ANKRD26: variants seen among roughly 807,000 people sequenced by gnomAD.
ANKRD26 encodes the protein ankyrin repeat domain 26.
ANKRD26 carries 141 observed loss-of-function variants against 208.7 expected under a neutral mutation model. That is an observed-to-expected ratio of 0.68 (90% CI 0.59 to 0.78). The LOEUF (loss-of-function observed/expected upper bound fraction) is 0.78. ANKRD26 is among the 30% of genes least tolerant of loss of function. ANKRD26 has a pLI of 0.00. For synonymous variants in ANKRD26, 636 were observed against 660.4 expected (o/e 0.96, Z 0.57); for missense variants, 1,889 against 1,938.7 (o/e 0.97, Z 0.48).
chr10:27,093,114 C>A (rs563912762), intron 3 of ANKRD26, among the ~76,000 whole-genome samples: 1 of 151,854 alleles, frequency 6.6e-6, no homozygotes, highest in East Asian at 1.9e-4. Flanking sequence ...TTGCCTTTAA[C>A]AAATTGTGTT....
At chr10:26,958,559 C>T in the ANKRD26 span, among the ~76,000 whole-genome samples, 1 of 152,070 alleles carries the variant, frequency 6.6e-6, no homozygotes, top group Non-Finnish European at 1.5e-5. Flanking sequence ...TGAGAAGGTG[C>T]GGTCTTTGGT....
chr10:26,985,424 G>T (rs901639515), intron 3 of ANKRD26, among the ~76,000 whole-genome samples: 3 of 152,082 alleles, frequency 2.0e-5, no homozygotes, highest in African/African-American at 7.2e-5. Context: ...ATCATATTTC[G>T]CTTTCCAGTG....
the ANKRD26 span, among the ~76,000 whole-genome samples, chr10:26,962,263 T>A: frequency 6.6e-6 from 1 of 152,022 alleles, no homozygotes; most frequent in East Asian, 1.9e-4. Context: ...GATGCCCATC[T>A]CTACAAAAAA....
At chr10:27,052,385 T>C (rs890976979) in intron 16 of ANKRD26, among the ~76,000 whole-genome samples, 9 of 152,140 alleles carry the variant, frequency 5.9e-5, no homozygotes, top group African/African-American at 2.2e-4. Context: ...AGCAGATGAT[T>C]TGTAGCATTA....
downstream of ANKRD26, among the ~76,000 whole-genome samples, chr10:27,000,760 T>A (rs141544651): frequency 5.5e-4 from 83 of 152,264 alleles, no homozygotes; most frequent in African/African-American, 1.9e-3. Flanking sequence ...TCCCAGCACT[T>A]TGGGAGGCCG....
rs976759115 is a variant in ANKRD26 at position 27,018,159 on chromosome 10, T to C, written c.4216-367A>G. Among the ~76,000 whole-genome samples, 165 of 121,068 alleles carry C rather than the reference T, an allele frequency of 1.4e-3. 3 individuals are homozygous for C. Among genetic ancestry groups the C allele is most frequent in the Admixed American group, 0.013 (162 of 12,096 alleles). The allele number at this position is 121,068 out of a possible 152,430, so 79.4% of individuals were successfully genotyped here. Reference sequence around the variant, plus strand: ...CCCTATAATTTTTTTTTTTTTTTTTTAGTCTTGCTCTGTCGCCCAGGCTGG... The same window carrying C: ...CCCTATAATTTTTTTTTTTTTTTTTCAGTCTTGCTCTGTCGCCCAGGCTGG... On this transcript the variant is annotated intron_variant, in intron 29 of 33. Transcript: ENST00000376087.
Position 27,100,272 on chromosome 10 carries a change from G to A in ANKRD26, c.55C>T (p.Arg19Trp). The A allele has an allele frequency of 1.2e-6, 2 of 1,609,958 alleles. No homozygotes were observed. The highest frequency in any genetic ancestry group is 1.7e-6 in the Non-Finnish European group (2 of 1,179,154). Residue 19 changes from arginine (R) to tryptophan (W), a missense_variant, in exon 1 of 34, where the codon CGG becomes TGG. By Grantham distance (101) the Arg-to-Trp change is moderately radical. Transcript: ENST00000376087. ...CCGCCTCCCGCGCTGCTCCTCTGCCGCCGCGCGAAGGAGCCCAAGGGCGAC... is the reference window on the plus strand; with the variant it reads ...CCGCCTCCCGCGCTGCTCCTCTGCCACCGCGCGAAGGAGCCCAAGGGCGAC... Reference protein sequence around the residue: ...GESPLGSFARRQRSSAGGGGE... With the variant: ...GESPLGSFARWQRSSAGGGGE...
the ANKRD26 span, among the ~76,000 whole-genome samples, chr10:26,960,014 T>G: frequency 6.6e-6 from 1 of 151,984 alleles, no homozygotes. Context: ...AAAAAAGAGT[T>G]AGCTGGAAGT....
At chr10:27,003,704 C>T (rs1360914701), downstream of ANKRD26, among the ~76,000 whole-genome samples, 1 of 152,138 alleles carries the variant, frequency 6.6e-6, no homozygotes, top group East Asian at 1.9e-4. Flanking sequence ...TGTGTGAAAG[C>T]CCCGCCCGAA....
At chr10:26,970,549 G>C (rs1294066312), downstream of ANKRD26, among the ~76,000 whole-genome samples, 1 of 152,154 alleles carries the variant, frequency 6.6e-6, no homozygotes. Flanking sequence ...AGGTCCCCCA[G>C]AAGCCAATGC....
At chr10:26,963,199 T>A in the ANKRD26 span, among the ~76,000 whole-genome samples, 5 of 152,220 alleles carry the variant, frequency 3.3e-5, no homozygotes, top group Non-Finnish European at 5.9e-5. Flanking sequence ...TCAGGATGCC[T>A]GTCTTTGTGC....
At chr10:27,046,182 A>C (rs1465855396) in intron 18 of ANKRD26, 171 bp downstream of exon 18, 1 of 712,588 alleles carries the variant, frequency 1.4e-6, no homozygotes, top group African/African-American at 1.8e-5. Flanking sequence ...CTCCATGGTG[A>C]CCATTTATTG....
intron 12 of ANKRD26, chr10:27,061,835 G>A: frequency 1.3e-6 from 1 of 775,662 alleles, no homozygotes. Context: ...AAAGTGCTGA[G>A]TGACAGGCAA....
In ANKRD26 at chr10:27,100,134, T is replaced by G; in HGVS notation, c.193A>C (p.Ile65Leu). 1 of 1,614,132 alleles carries G rather than the reference T, an allele frequency of 6.2e-7. No individual in the cohort carries two copies. The highest frequency in any genetic ancestry group is 1.1e-5 in the South Asian group (1 of 91,084). The change falls in exon 1 of 34, where the codon ATC becomes CTC. Residue 65 changes from isoleucine to leucine, a missense_variant. Coordinates refer to ENST00000376087, the MANE Select transcript of ANKRD26 (RefSeq NM_014915.3). ...SAGNVAKVQQ[I>L]LLLRKNGLND... is the part of the protein sequence containing the mutation. Reference sequence around the variant, plus strand: ...AAGCCATTCTTCCTGAGCAAAAGGATCTGCTGCACTTTCGCCACATTACCC... The same window carrying G: ...AAGCCATTCTTCCTGAGCAAAAGGAGCTGCTGCACTTTCGCCACATTACCC...
In ANKRD26 at chr10:27,053,356, C is replaced by T. The variant is rs1564394321; in HGVS notation, c.1599G>A (p.Glu533=). The T allele has an allele frequency of 1.2e-6, 2 of 1,611,294 alleles. No homozygotes were observed. The highest frequency in any genetic ancestry group is 1.7e-6 in the Non-Finnish European group (2 of 1,178,826). ...TATTTTCACTCCCTTCCCTTTCTTGCTCTTCTTCTGATGCTACTTCTAAGT... is the reference window on the plus strand; with the variant it reads ...TATTTTCACTCCCTTCCCTTTCTTGTTCTTCTTCTGATGCTACTTCTAAGT... The part of the protein sequence containing the change: ...EHDLEVASEE[E]QEREGSENNQ... Residue 533 remains glutamate (E), a synonymous_variant, in exon 16 of 34, where the codon GAG becomes GAA. Transcript: ENST00000376087.
the ANKRD26 span, among the ~76,000 whole-genome samples, chr10:26,963,686 G>A: frequency 3.3e-5 from 5 of 151,916 alleles, no homozygotes; most frequent in African/African-American, 9.7e-5. Flanking sequence ...AGGGTATAGC[G>A]GTCTCAGTTC....
chr10:27,082,334 C>G (rs773558798), intron 6 of ANKRD26, among the ~76,000 whole-genome samples: 3 of 152,194 alleles, frequency 2.0e-5, no homozygotes, highest in Non-Finnish European at 4.4e-5. Context: ...TAAGTGAGAT[C>G]TGGCCTAAAA....
At chr10:26,951,217 T>C in the ANKRD26 span, among the ~76,000 whole-genome samples, 2 of 152,212 alleles carry the variant, frequency 1.3e-5, no homozygotes, top group Non-Finnish European at 2.9e-5. Flanking sequence ...GATGGGTCAC[T>C]GATCATGATT....
Position 27,067,221 on chromosome 10 carries a change from T to A in ANKRD26, c.1143A>T (p.Pro381=). The change falls in exon 10 of 34, where the codon CCA becomes CCT. Residue 381 remains proline (P), a synonymous_variant. Coordinates refer to ENST00000376087, the MANE Select transcript of ANKRD26 (RefSeq NM_014915.3). ...AATTGTCATTATTTGTTTGCTCTAG[T>A]GGAGCACTTTCAATAATATCAATAC... ...ENGIDIIESA[P]LEQTNNDNLT... is the part of the protein sequence containing the mutation. 1.2e-6 allele frequency: 2 copies of A among 1,613,844 alleles called. No homozygotes were observed. The highest frequency in any genetic ancestry group is 2.2e-5 in the South Asian group (2 of 91,078).
Sources: allele counts gnomAD v4.1 joint callset (sites outside exome capture counted in the v4.1 genomes callset), GRCh38; gene constraint gnomAD v4.1.1; transcripts MANE v1.5; gene names NCBI Gene and HGNC (gene_info 2026-07-23, HGNC 2026-07-21).